The following TCERG1L variants were observed in gnomAD, a reference collection of about 807,000 sequenced individuals.
TCERG1L encodes the protein transcription elongation regulator 1 like, also known as transcription elongation regulator 1-like protein.
A neutral mutation model predicts 56.3 loss-of-function variants in TCERG1L; 37 were observed. The ratio of observed to expected loss-of-function variants is 0.66; its 90% CI spans 0.51 to 0.87. The LOEUF (loss-of-function observed/expected upper bound fraction) is 0.87. Ranked by LOEUF, TCERG1L falls within the 40% of genes least tolerant of loss-of-function variation. TCERG1L has a pLI of 0.00. For missense variants in TCERG1L, 799 were observed against 774.2 expected (o/e 1.03, Z -0.38); for synonymous variants, 324 against 326.3 (o/e 0.99, Z 0.08).
chr10:131,171,401 C>T (rs144773817), intron 4 of TCERG1L, among the ~76,000 whole-genome samples: 4 of 152,102 alleles, frequency 2.6e-5, no homozygotes, highest in African/African-American at 7.2e-5. Context: ...GCCCGAGGCA[C>T]CTGTTCTCCT....
intron 4 of TCERG1L, among the ~76,000 whole-genome samples, chr10:131,200,868 T>C (rs866000928): frequency 1.1e-4 from 16 of 152,294 alleles, no homozygotes; most frequent in Middle Eastern, 6.8e-3. Context: ...AGGAGTCGCT[T>C]AGATCACAAG....
intron 4 of TCERG1L, among the ~76,000 whole-genome samples, chr10:131,226,806 G>A (rs1400865798): frequency 6.6e-6 from 1 of 152,256 alleles, no homozygotes; most frequent in East Asian, 1.9e-4. Flanking sequence ...TCTTGCCTGG[G>A]GGCAGACGGA....
At chr10:131,106,443 G>A (rs1452736786) in intron 9 of TCERG1L, among the ~76,000 whole-genome samples, 1 of 152,218 alleles carries the variant, frequency 6.6e-6, no homozygotes, top group African/African-American at 2.4e-5. Flanking sequence ...GAGCCTTGGG[G>A]GGTATTCCAG....
chr10:131,189,123 T>C (rs765197900), intron 4 of TCERG1L, among the ~76,000 whole-genome samples: 3 of 152,236 alleles, frequency 2.0e-5, no homozygotes, highest in Admixed American at 1.3e-4. Context: ...TAGGTTTTTC[T>C]AGAAGTTACA....
intron 4 of TCERG1L, among the ~76,000 whole-genome samples, chr10:131,190,867 G>C (rs1419145290): frequency 6.9e-6 from 1 of 143,918 alleles, no homozygotes; most frequent in Admixed American, 6.9e-5. Flanking sequence ...GTACTAACCA[G>C]AGAAATTAAA....
chr10:131,231,989 T>C (rs1313568629), intron 4 of TCERG1L, among the ~76,000 whole-genome samples: 1 of 152,126 alleles, frequency 6.6e-6, no homozygotes, highest in Non-Finnish European at 1.5e-5. Flanking sequence ...ATGGCAGAAA[T>C]GGCCCCCGTT....
intron 4 of TCERG1L, among the ~76,000 whole-genome samples, chr10:131,237,668 G>A (rs1464747192): frequency 6.6e-6 from 1 of 152,198 alleles, no homozygotes; most frequent in African/African-American, 2.4e-5. Flanking sequence ...GAGGCAAAAT[G>A]TGATCTCCAC....
chr10:131,211,522 AG>A (rs1845619672), intron 4 of TCERG1L, among the ~76,000 whole-genome samples: 1 of 152,222 alleles, frequency 6.6e-6, no homozygotes, highest in African/African-American at 2.4e-5. Flanking sequence ...CCCAGGATGC[AG>A]TGACTTCTCC....
intron 4 of TCERG1L, among the ~76,000 whole-genome samples, chr10:131,221,605 A>T (rs2133498966): frequency 6.6e-6 from 1 of 152,308 alleles, no homozygotes; most frequent in South Asian, 2.1e-4. Flanking sequence ...TGCCAGGTGT[A>T]TGTGTAAAAC....
intron 4 of TCERG1L, among the ~76,000 whole-genome samples, chr10:131,255,488 T>A (rs1846156833): frequency 6.6e-6 from 1 of 152,216 alleles, no homozygotes; most frequent in African/African-American, 2.4e-5. Flanking sequence ...ACCTCTGGGG[T>A]GAGCAGGAGG....
chr10:131,285,736 T>C (rs1447720923), intron 3 of TCERG1L, among the ~76,000 whole-genome samples: 2 of 152,114 alleles, frequency 1.3e-5, no homozygotes, highest in African/African-American at 4.8e-5. Context: ...TTTAACATTA[T>C]AACAGTTTAA....
intron 4 of TCERG1L, among the ~76,000 whole-genome samples, chr10:131,189,062 C>T (rs1845278486): frequency 6.6e-6 from 1 of 152,154 alleles, no homozygotes; most frequent in African/African-American, 2.4e-5. Context: ...ACAATATTCA[C>T]TGTGTGGATA....
chr10:131,195,617 G>T lies in TCERG1L; in HGVS notation c.857-28732C>A, dbSNP rs115652905. Among the ~76,000 whole-genome samples the T allele has an allele frequency of 2.4e-3, 362 of 152,266 alleles. 1 individual carries two copies. The highest frequency in any genetic ancestry group is 8.3e-3 in the African/African-American group (344 of 41,556). On this transcript the variant is annotated intron_variant, in intron 4 of 11. Transcript: ENST00000368642. ...GGAGGCCTCTTTCTCCAGCCCGATC[G>T]CACAGGACCTCTCCGCTGGGCCCAG...
chr10:131,311,390 G>A lies in TCERG1L; in HGVS notation c.246C>T (p.Ala82=), dbSNP rs1049958468. Reference sequence around the variant, plus strand: ...GCAGCGGGAGCACCGGCTCGCTCGGGGCCGGCCAGCCGGGGAGACCGGGGA... The same window carrying A: ...GCAGCGGGAGCACCGGCTCGCTCGGAGCCGGCCAGCCGGGGAGACCGGGGA... ...PLLPGLPGWP[A]PSEPVLPLLP... is the part of the protein sequence containing the mutation. Residue 82 remains alanine (A), a synonymous_variant, in exon 1 of 12, where the codon GCC becomes GCT. Transcript: ENST00000368642. This position sits in a 1 kb window ranked among gnomAD's most constrained non-coding sequence, Gnocchi z 4.0. 1.2e-5 allele frequency: 14 copies of A among 1,189,120 alleles called. No individual in the cohort carries two copies. In the African/African-American group the frequency reaches 1.9e-4, roughly 16 times the overall value. The allele number at this position is 1,189,120 out of a possible 1,614,324, so 73.7% of individuals were successfully genotyped here.
chr10:131,256,331 T>C (rs1846164386), intron 4 of TCERG1L, among the ~76,000 whole-genome samples: 1 of 152,168 alleles, frequency 6.6e-6, no homozygotes, highest in Non-Finnish European at 1.5e-5. Flanking sequence ...GGCTGGTAAG[T>C]TACTGATAGA....
Position 131,277,476 on chromosome 10 carries a change from G to A in TCERG1L, c.671-17032C>T, listed in dbSNP as rs368403764. Among the ~76,000 whole-genome samples, 174 of 152,314 alleles carry A rather than the reference G, an allele frequency of 1.1e-3. 4 individuals are homozygous for A. In the South Asian group the frequency reaches 0.035, roughly 31 times the overall value. On this transcript the variant is annotated intron_variant, in intron 3 of 11. Transcript: ENST00000368642. ...GCCTAGACATGAGCCACAAGAGAGG[G>A]CCGCTCCCCACCTCCTGGCGAGCAC... is the stretch of plus-strand genomic sequence containing the variant.
At chr10:131,239,896 T>C (rs2133519564) in intron 4 of TCERG1L, among the ~76,000 whole-genome samples, 1 of 152,294 alleles carries the variant, frequency 6.6e-6, no homozygotes, top group Non-Finnish European at 1.5e-5. Context: ...AAGGGTGCGG[T>C]GTCTTCCTAC....
Position 131,103,710 on chromosome 10 carries a change from A to G in TCERG1L, c.1485+555T>C, listed in dbSNP as rs1429981939. On this transcript the variant is annotated intron_variant, in intron 10 of 11. Coordinates refer to ENST00000368642, the MANE Select transcript of TCERG1L (RefSeq NM_174937.4). The surrounding 1 kb of genome is among the most constrained non-coding windows in gnomAD (Gnocchi z 4.3). ...TGTCTAAAATAAAATGAAATAAAAT[A>G]AAATAAAAGGTTTTGACGGCCTTGT... Among the ~76,000 whole-genome samples the G allele has an allele frequency of 6.6e-6, 1 of 152,180 alleles. No individual in the cohort carries two copies. The highest frequency in any genetic ancestry group is 1.9e-4 in the East Asian group (1 of 5,194).
rs563521801 is a variant in TCERG1L at position 131,295,491 on chromosome 10, G to A, written c.670+12720C>T. Among the ~76,000 whole-genome samples, 5 of 152,298 alleles carry A rather than the reference G, an allele frequency of 3.3e-5. No homozygotes were observed. In the East Asian group the frequency reaches 7.7e-4, roughly 24 times the overall value. ...CTGTCTTTGTTTTGTTTTCATGAAC[G>A]CCATTCTAATAAGTATGTAGGGACT... On this transcript the variant is annotated intron_variant, in intron 3 of 11. Transcript: ENST00000368642.
Sources: gnomAD v4.1 joint callset for allele counts (sites outside exome capture counted in the v4.1 genomes callset) on GRCh38, gnomAD v4.1.1 for gene constraint, Gnocchi (gnomAD v3.1) non-coding constraint, MANE v1.5 for transcripts, NCBI Gene and HGNC (gene_info 2026-07-23, HGNC 2026-07-21) for gene names.